LMO7: variants seen among roughly 807,000 people sequenced by gnomAD.
LMO7 encodes LIM domain only protein 7.
Under a neutral mutation model 206.5 loss-of-function variants are expected in LMO7, and 120 were observed. That is an observed-to-expected ratio of 0.58 (90% CI 0.50 to 0.68). The LOEUF is 0.68. LMO7 is among the 30% of genes least tolerant of loss of function. LMO7 has a pLI of 0.00. For missense variants in LMO7, 1,959 were observed against 1,957.9 expected, an observed-to-expected ratio of 1.00 and a Z score of -0.01; for synonymous variants, 706 against 681.5, an observed-to-expected ratio of 1.04 and a Z score of -0.56.
At chr13:75,731,211 C>G (rs944502060) in intron 3 of LMO7, among the ~76,000 whole-genome samples, 3 of 151,948 alleles carry the variant, frequency 2.0e-5, no homozygotes, top group Non-Finnish European at 2.9e-5. Flanking sequence ...GTTGATCTGC[C>G]TAATGTTGAC....
intron 8 of LMO7, chr13:75,805,115 T>C (rs1410163300): frequency 9.6e-7 from 1 of 1,037,534 alleles, no homozygotes; most frequent in Admixed American, 5.2e-5. Flanking sequence ...TTTCTCCTGC[T>C]GATATGTTTG....
At chr13:75,787,322 G>C (rs1225589318) in intron 4 of LMO7, among the ~76,000 whole-genome samples, 1 of 152,132 alleles carries the variant, frequency 6.6e-6, no homozygotes, top group Non-Finnish European at 1.5e-5. Context: ...TGGTTGAGAG[G>C]GTTAGGGATT....
At chr13:75,660,576 G>A (rs529312945) in intron 1 of LMO7, among the ~76,000 whole-genome samples, 2 of 152,242 alleles carry the variant, frequency 1.3e-5, no homozygotes, top group East Asian at 3.9e-4. Flanking sequence ...TCAGTGTACA[G>A]TGTTACTATA....
At chr13:75,646,629 G>A (rs1024393716) in intron 1 of LMO7, among the ~76,000 whole-genome samples, 1 of 151,252 alleles carries the variant, frequency 6.6e-6, no homozygotes, top group African/African-American at 2.4e-5. Flanking sequence ...TGTTGCCCAA[G>A]GTGGAGTGCA....
rs565719736 is a variant in LMO7 at position 75,824,002 on chromosome 13, T to G, written c.2949+129T>G. 22 of 733,720 alleles carry G rather than the reference T, an allele frequency of 3.0e-5. No individual in the cohort carries two copies. In the East Asian group the frequency reaches 5.4e-4, roughly 18 times the overall value. 45.5% of individuals were successfully genotyped at this position (733,720 alleles called of 1,614,324 possible). A position where few individuals can be genotyped will look rare whatever the true frequency, so the allele number is the denominator to read the frequency against. On this transcript the variant is annotated intron_variant, in intron 15 of 30. Transcript: ENST00000377534. The stretch of plus-strand genomic sequence containing the variant: ...GAAAATGTGCAAAATGATATTCTGG[T>G]TTACTTTGAACAGATCTTGGAGGAA...
At chr13:75,843,483 T>G (rs1595476746) in intron 25 of LMO7, among the ~76,000 whole-genome samples, 2 of 152,332 alleles carry the variant, frequency 1.3e-5, no homozygotes, top group Middle Eastern at 6.8e-3. Flanking sequence ...GTGTCAATTT[T>G]CTGTAATCCA....
chr13:75,755,476 C>T (rs779480379), intron 3 of LMO7, among the ~76,000 whole-genome samples: 5 of 152,082 alleles, frequency 3.3e-5, no homozygotes, highest in Non-Finnish European at 7.4e-5. Flanking sequence ...CTTTAACTGT[C>T]CTTTAAATGC....
intron 1 of LMO7, among the ~76,000 whole-genome samples, chr13:75,644,451 T>A (rs1438942381): frequency 6.6e-6 from 1 of 152,156 alleles, no homozygotes; most frequent in Non-Finnish European, 1.5e-5. Flanking sequence ...GAATTAAGAA[T>A]CAGAAAAGAA....
Position 75,819,535 on chromosome 13 carries a change from G to C in LMO7, c.2207G>C (p.Arg736Thr). The change falls in exon 13 of 31, where the codon AGG becomes ACG. Residue 736 changes from arginine (R) to threonine (T), a missense_variant and splice_region_variant. By Grantham distance (71) the Arg-to-Thr change is moderately conservative. Coordinates refer to ENST00000377534, the MANE Select transcript of LMO7 (RefSeq NM_001306080.2). The part of the protein sequence containing the change: ...SKTFKEMLQD[R>T]ESQNQKSTVP... ...ACGTTTAAGGAAATGCTGCAGGACA[G>C]GTAATAATGCTGAATGCACCTCGGT... The C allele has an allele frequency of 6.3e-7, 1 of 1,585,700 alleles. No homozygotes were observed.
At chr13:75,850,863 G>C (rs990764833) in intron 27 of LMO7, among the ~76,000 whole-genome samples, 1 of 151,904 alleles carries the variant, frequency 6.6e-6, no homozygotes, top group African/African-American at 2.4e-5. Context: ...CTCGTGAGCT[G>C]TGTCTATCTT....
intron 2 of LMO7, among the ~76,000 whole-genome samples, chr13:75,626,304 G>C (rs2034069597): frequency 6.6e-6 from 1 of 151,868 alleles, no homozygotes. Flanking sequence ...GGAGGTCTCA[G>C]AATCATGGTG....
intron 4 of LMO7, among the ~76,000 whole-genome samples, chr13:75,792,873 A>G (rs2053496483): frequency 6.6e-6 from 1 of 152,250 alleles, no homozygotes; most frequent in Admixed American, 6.5e-5. Flanking sequence ...GTAAAAGGTA[A>G]TAATGCGAAG....
In LMO7 at chr13:75,817,167, G is replaced by C. The variant is rs1268265366; in HGVS notation, c.1953G>C (p.Lys651Asn). 6.2e-7 allele frequency: 1 copy of C among 1,611,756 alleles called. No individual in the cohort carries two copies. Among genetic ancestry groups the C allele is most frequent in the Non-Finnish European group, 8.5e-7 (1 of 1,177,946 alleles). The change falls in exon 12 of 31, where the codon AAG becomes AAC. Residue 651 changes from lysine to asparagine, a missense_variant. Lys to Asn is a moderately conservative substitution (Grantham distance 94). Transcript: ENST00000377534. Reference sequence around the variant, plus strand: ...ATGAGTCTTTTTGTTGTAGGAGTAAGTCCATGAGTGATGTCAGCGCAGAAG... The same window carrying C: ...ATGAGTCTTTTTGTTGTAGGAGTAACTCCATGAGTGATGTCAGCGCAGAAG... ...FQKIYGENGS[K>N]SMSDVSAEDV...
At chr13:75,678,683 T>C (rs1473972372) in intron 1 of LMO7, among the ~76,000 whole-genome samples, 1 of 152,192 alleles carries the variant, frequency 6.6e-6, no homozygotes, top group Non-Finnish European at 1.5e-5. Flanking sequence ...TCCAGCACAG[T>C]GTTTCTTTAA....
intron 3 of LMO7, among the ~76,000 whole-genome samples, chr13:75,732,913 C>G (rs186618573): frequency 1.5e-3 from 224 of 152,282 alleles, no homozygotes; most frequent in Middle Eastern, 6.8e-3. Context: ...GCCTGGGTAT[C>G]AGCAGCGGTG....
chr13:75,780,397 A>G (rs945074344), intron 4 of LMO7, among the ~76,000 whole-genome samples: 2 of 152,214 alleles, frequency 1.3e-5, no homozygotes, highest in African/African-American at 4.8e-5. Context: ...GAGAAAAAGA[A>G]TTCAGCAATA....
At chr13:75,777,925 G>C (rs983090218) in intron 4 of LMO7, among the ~76,000 whole-genome samples, 1 of 152,114 alleles carries the variant, frequency 6.6e-6, no homozygotes, top group Non-Finnish European at 1.5e-5. Context: ...GATTACAGGC[G>C]TAAGCCACCG....
chr13:75,804,278 C>CT lies in LMO7; in HGVS notation c.662-9dup, dbSNP rs2055158034. The CT allele has an allele frequency of 4.4e-6, 7 of 1,606,710 alleles. No individual in the cohort carries two copies. Among genetic ancestry groups the CT allele is most frequent in the Non-Finnish European group, 6.0e-6 (7 of 1,174,828 alleles). Reference sequence around the variant, plus strand: ...TGGAGAGTAAAGCAAATTCTTGTGCCTTCTTTATAGGTTTTGAAAGTGACA... The same window carrying CT: ...TGGAGAGTAAAGCAAATTCTTGTGCCTTTCTTTATAGGTTTTGAAAGTGACA... On this transcript the variant is annotated splice_polypyrimidine_tract_variant and intron_variant, in intron 7 of 30. Transcript: ENST00000377534.
chr13:75,666,766 A>C (rs552885004), intron 1 of LMO7, among the ~76,000 whole-genome samples: 18 of 152,360 alleles, frequency 1.2e-4, no homozygotes, highest in African/African-American at 4.3e-4. Flanking sequence ...TGCAGTAGGA[A>C]GTCATTGAGT....
Sources: allele counts gnomAD v4.1 joint callset (sites outside exome capture counted in the v4.1 genomes callset), GRCh38; gene constraint gnomAD v4.1.1; transcripts MANE v1.5; gene names NCBI Gene and HGNC (gene_info 2026-07-23, HGNC 2026-07-21).